Variants in STIM2 observed in about 807,000 individuals in gnomAD.
STIM2 encodes the protein stromal interaction molecule 2.
In STIM2, 31 loss-of-function variants were observed where a neutral mutation model predicts 85.8. That is an observed-to-expected ratio of 0.36 (90% CI 0.27 to 0.49). The LOEUF is 0.49. Among genes scored for constraint, STIM2 ranks in the 20% least tolerant of loss-of-function variants. The pLI is 0.98. For synonymous variants in STIM2, 356 were observed against 331.1 expected, an observed-to-expected ratio of 1.08 and a Z score of -0.82; for missense variants, 841 against 927.6, an observed-to-expected ratio of 0.91 and a Z score of 1.21.
intron 3 of STIM2, among the ~76,000 whole-genome samples, chr4:26,984,067 A>G (rs1391346599): frequency 6.6e-6 from 1 of 152,214 alleles, no homozygotes; most frequent in African/African-American, 2.4e-5. Context: ...TCTTCATTTT[A>G]TGAAGCTTAG....
intron 1 of STIM2, among the ~76,000 whole-genome samples, chr4:26,918,308 C>T (rs377693064): frequency 6.0e-5 from 9 of 149,514 alleles, no homozygotes; most frequent in African/African-American, 2.2e-4. Context: ...TTTTTTTCTC[C>T]TAAGCACAGA....
At chr4:26,896,105 G>A (rs1405722704) in intron 1 of STIM2, among the ~76,000 whole-genome samples, 1 of 152,152 alleles carries the variant, frequency 6.6e-6, no homozygotes, top group Non-Finnish European at 1.5e-5. Context: ...TAGTACTGAG[G>A]TCTTCAATTG....
At chr4:26,958,107 A>G (rs1324235381) in intron 3 of STIM2, among the ~76,000 whole-genome samples, 2 of 152,120 alleles carry the variant, frequency 1.3e-5, no homozygotes. Context: ...TTAGGAGGCT[A>G]TTACTGTTAA....
intron 1 of STIM2, among the ~76,000 whole-genome samples, chr4:26,884,585 G>A (rs967053621): frequency 3.3e-5 from 5 of 152,190 alleles, no homozygotes; most frequent in Admixed American, 6.5e-5. Context: ...AAATTGTGTC[G>A]TTGTATAGGC....
chr4:26,947,293 A>G (rs996940389), intron 2 of STIM2, among the ~76,000 whole-genome samples: 1 of 152,220 alleles, frequency 6.6e-6, no homozygotes. Flanking sequence ...TGGAATAAAC[A>G]TTTTACATAC....
intron 2 of STIM2, among the ~76,000 whole-genome samples, chr4:26,919,864 C>G (rs1724732996): frequency 6.6e-6 from 1 of 152,160 alleles, no homozygotes; most frequent in Admixed American, 6.6e-5. Context: ...TTTTCCATCT[C>G]ATGTTCCTGT....
At chr4:26,861,474 C>T in intron 1 of STIM2, 105 bp downstream of exon 1, 7 of 1,231,132 alleles carry the variant, frequency 5.7e-6, no homozygotes, top group Non-Finnish European at 7.1e-6. Flanking sequence ...TCCGCGGCTC[C>T]GGCCAGGGCG....
intron 3 of STIM2, among the ~76,000 whole-genome samples, chr4:26,992,733 G>GT (rs1038596871): frequency 6.6e-6 from 1 of 152,036 alleles, no homozygotes; most frequent in Non-Finnish European, 1.5e-5. Flanking sequence ...GACAACTAGA[G>GT]TATTTGGAAC....
At chr4:26,940,404 T>G (rs558412004) in intron 2 of STIM2, among the ~76,000 whole-genome samples, 31 of 152,334 alleles carry the variant, frequency 2.0e-4, no homozygotes, top group African/African-American at 7.0e-4. Context: ...GTTTGGCCTG[T>G]GCAGATCTCC....
At chr4:26,886,909 G>C (rs867073110) in intron 1 of STIM2, among the ~76,000 whole-genome samples, 13 of 152,150 alleles carry the variant, frequency 8.5e-5, no homozygotes, top group African/African-American at 2.9e-4. Context: ...TTTTGTCCGG[G>C]GAGAGAAAGT....
chr4:26,957,366 A>G (rs570113033), intron 2 of STIM2, among the ~76,000 whole-genome samples: 1 of 152,272 alleles, frequency 6.6e-6, no homozygotes, highest in Non-Finnish European at 1.5e-5. Context: ...TACCCGGTAA[A>G]TAATAAACAT....
In STIM2 at chr4:26,986,515, A is replaced by G. The variant is rs146037770; in HGVS notation, c.398-8864A>G. ...GCTTTGGGTGCATTGGTTTTGTAAG[A>G]TTGCCTTTTACACATGAAAGGAACA... On this transcript the variant is annotated intron_variant, in intron 3 of 11. Coordinates refer to ENST00000467087, the MANE Select transcript of STIM2 (RefSeq NM_020860.4). 3.3e-5 allele frequency among the ~76,000 whole-genome samples: 5 copies of G among 152,312 alleles called. No homozygotes were observed. The East Asian group carries it at 9.6e-4, about 29-fold the overall frequency.
At chr4:26,934,065 G>A (rs951355711) in intron 2 of STIM2, among the ~76,000 whole-genome samples, 7 of 151,832 alleles carry the variant, frequency 4.6e-5, no homozygotes, top group Admixed American at 6.6e-5. Flanking sequence ...GTGGTGGCAC[G>A]CGCCTGTAAT....
chr4:26,910,747 G>A (rs1022725678), intron 1 of STIM2, among the ~76,000 whole-genome samples: 2 of 152,160 alleles, frequency 1.3e-5, no homozygotes, highest in Non-Finnish European at 2.9e-5. Context: ...AGTTGCTGAG[G>A]TAGAGGCATT....
chr4:26,960,387 A>G (rs780647111), intron 3 of STIM2, among the ~76,000 whole-genome samples: 24 of 152,112 alleles, frequency 1.6e-4, no homozygotes, highest in Non-Finnish European at 3.4e-4. Flanking sequence ...ATGTATATAT[A>G]TGTATATATA....
At chr4:26,903,440 G>A (rs1724001391) in intron 1 of STIM2, among the ~76,000 whole-genome samples, 2 of 151,972 alleles carry the variant, frequency 1.3e-5, no homozygotes, top group Non-Finnish European at 2.9e-5. Context: ...CTTGATTTTT[G>A]CAAAACATTT....
rs2109070683 is a variant in STIM2 at position 26,927,487 on chromosome 4, A to ATG, written c.282+7853_282+7854insTG. Among the ~76,000 whole-genome samples, 2 of 53,150 alleles carry ATG rather than the reference A, an allele frequency of 3.8e-5. 1 individual carries two copies. The highest frequency in any genetic ancestry group is 1.3e-3 in the South Asian group (2 of 1,508). The allele number at this position is 53,150 out of a possible 152,430, so 34.9% of individuals were successfully genotyped here. A position where few individuals can be genotyped will look rare whatever the true frequency, so the allele number is the denominator to read the frequency against. ...TAGGTGGGAATTGAACAATGAGATC[A>ATG]CATGGACACAGGAAGGGGAATATCA... On this transcript the variant is annotated intron_variant, in intron 2 of 11. Transcript: ENST00000467087.
intron 1 of STIM2, among the ~76,000 whole-genome samples, chr4:26,912,441 A>G (rs928330367): frequency 6.6e-6 from 1 of 152,212 alleles, no homozygotes; most frequent in East Asian, 1.9e-4. Flanking sequence ...TCTTAATTTC[A>G]TAAGTTTCTG....
At chr4:26,970,321 G>A (rs1040184711) in intron 3 of STIM2, among the ~76,000 whole-genome samples, 5 of 150,954 alleles carry the variant, frequency 3.3e-5, no homozygotes, top group African/African-American at 1.2e-4. Context: ...CTAGGTATAC[G>A]TGTGCCATGT....
Sources: allele counts gnomAD v4.1 joint callset (sites outside exome capture counted in the v4.1 genomes callset), GRCh38; gene constraint gnomAD v4.1.1; transcripts MANE v1.5; gene names NCBI Gene and HGNC (gene_info 2026-07-23, HGNC 2026-07-21).